The following MPPED2 variants were observed in gnomAD, a reference collection of about 807,000 sequenced individuals.
The protein encoded by MPPED2 is metallophosphoesterase domain containing 2.
MPPED2 carries 5 observed loss-of-function variants against 33.0 expected under a neutral mutation model. The observed-to-expected ratio is 0.15, with a 90% CI of 0.08 to 0.32. MPPED2 has a LOEUF of 0.32. Among genes scored for constraint, MPPED2 ranks in the 10% least tolerant of loss-of-function variants. The pLI is 1.00. For missense variants in MPPED2, 275 were observed against 372.1 expected (o/e 0.74, Z 2.15); for synonymous variants, 136 against 141.9 (o/e 0.96, Z 0.29).
At chr11:30,403,194 C>T (rs2133711783) in intron 6 of MPPED2, among the ~76,000 whole-genome samples, 1 of 151,632 alleles carries the variant, frequency 6.6e-6, no homozygotes, top group South Asian at 2.1e-4. Context: ...TTGCCGTGAG[C>T]CGAGATCGCG....
chr11:30,553,626 T>G (rs1457171217), intron 2 of MPPED2, among the ~76,000 whole-genome samples: 1 of 152,174 alleles, frequency 6.6e-6, no homozygotes, highest in Admixed American at 6.5e-5. Flanking sequence ...TAAAATAAGA[T>G]TGAGAAACAG....
intron 4 of MPPED2, among the ~76,000 whole-genome samples, chr11:30,477,033 A>G (rs1051294529): frequency 3.3e-5 from 5 of 152,120 alleles, no homozygotes; most frequent in Non-Finnish European, 7.4e-5. Flanking sequence ...TGCTGCAATT[A>G]TGAAAACATA....
At chr11:30,551,311 G>C (rs754624080) in intron 2 of MPPED2, among the ~76,000 whole-genome samples, 8 of 152,156 alleles carry the variant, frequency 5.3e-5, no homozygotes, top group Non-Finnish European at 1.0e-4. Flanking sequence ...TTTTACAGAT[G>C]AGAAATACTG....
chr11:30,506,267 G>A (rs1204131853), intron 3 of MPPED2, among the ~76,000 whole-genome samples: 3 of 151,998 alleles, frequency 2.0e-5, no homozygotes, highest in Non-Finnish European at 1.5e-5. Context: ...TCAAACTCCT[G>A]ACCTCAGCTG....
At chr11:30,481,283 T>C (rs1184611602) in intron 4 of MPPED2, among the ~76,000 whole-genome samples, 1 of 152,142 alleles carries the variant, frequency 6.6e-6, no homozygotes, top group African/African-American at 2.4e-5. Flanking sequence ...ATAAGTTATA[T>C]TTTCCATAAA....
At chr11:30,419,089 A>G (rs2133778641) in intron 4 of MPPED2, among the ~76,000 whole-genome samples, 1 of 152,302 alleles carries the variant, frequency 6.6e-6, no homozygotes, top group African/African-American at 2.4e-5. Flanking sequence ...TTATAATAGA[A>G]ATAAGAATAT....
intron 4 of MPPED2, among the ~76,000 whole-genome samples, chr11:30,486,635 G>C: frequency 6.6e-6 from 1 of 152,154 alleles, no homozygotes; most frequent in Non-Finnish European, 1.5e-5. Flanking sequence ...TAAAATTGCT[G>C]GTGGAGGCTT....
chr11:30,582,657 C>A (rs1357025923), intron 1 of MPPED2, among the ~76,000 whole-genome samples: 2 of 152,132 alleles, frequency 1.3e-5, no homozygotes, highest in Non-Finnish European at 2.9e-5. Context: ...TAGCATGATA[C>A]CCACCCAAGT....
At chr11:30,535,343 G>A (rs12290680) in intron 3 of MPPED2, among the ~76,000 whole-genome samples, 2,789 of 152,214 alleles carry the variant, frequency 0.018, 82 homozygotes, top group African/African-American at 0.064. Context: ...TCCGCTAAGA[G>A]GAACCAGGAT....
intron 1 of MPPED2, among the ~76,000 whole-genome samples, chr11:30,583,187 G>A (rs1288377393): frequency 8.7e-6 from 1 of 115,498 alleles, no homozygotes; most frequent in Non-Finnish European, 1.7e-5. Context: ...AGAGACAAGG[G>A]ACAATAGACA....
At chr11:30,495,758 A>G (rs1952221834) in intron 3 of MPPED2, among the ~76,000 whole-genome samples, 1 of 152,222 alleles carries the variant, frequency 6.6e-6, no homozygotes, top group African/African-American at 2.4e-5. Context: ...TAAGTTTTCT[A>G]GTTCCATTTC....
intron 4 of MPPED2, among the ~76,000 whole-genome samples, chr11:30,472,989 T>A (rs1227638206): frequency 6.6e-6 from 1 of 152,226 alleles, no homozygotes; most frequent in Non-Finnish European, 1.5e-5. Context: ...TCTATGAAAT[T>A]TTTATTTCAG....
chr11:30,438,748 G>A (rs143334592), intron 4 of MPPED2, among the ~76,000 whole-genome samples: 17 of 152,306 alleles, frequency 1.1e-4, no homozygotes, highest in Non-Finnish European at 2.5e-4. Context: ...GATAATAAGG[G>A]CAGCCCTAAA....
intron 6 of MPPED2, among the ~76,000 whole-genome samples, chr11:30,404,237 G>C (rs1287990831): frequency 6.6e-6 from 1 of 152,210 alleles, no homozygotes; most frequent in Non-Finnish European, 1.5e-5. Context: ...TTTCTCCAGA[G>C]AGCTATTTTG....
rs141612436 is a variant in MPPED2, at chr11:30,544,103, T to G, written c.129-7928A>C. Among the ~76,000 whole-genome samples the G allele has an allele frequency of 8.5e-5, 13 of 152,320 alleles. No homozygotes were observed. In the East Asian group the frequency reaches 2.5e-3, roughly 29 times the overall value. On this transcript the variant is annotated intron_variant, in intron 2 of 6. Transcript: ENST00000358117. ...GTTAAGTGGTAACAATTTAATTCTT[T>G]GAGCACTGCATGCAATATGAATTCA...
chr11:30,583,283 A>G (rs1217414364), intron 1 of MPPED2, among the ~76,000 whole-genome samples: 3 of 151,972 alleles, frequency 2.0e-5, no homozygotes, highest in South Asian at 2.1e-4. Flanking sequence ...AAGAAGATGT[A>G]TATTTAGGCA....
exon 7 of MPPED2, chr11:30,388,324 G>A (rs1192883533): frequency 6.6e-6 from 1 of 152,406 alleles, no homozygotes; most frequent in Non-Finnish European, 1.5e-5. Context: ...CACAATTCAG[G>A]GGCAGGTGCA....
intron 6 of MPPED2, among the ~76,000 whole-genome samples, chr11:30,413,571 C>A (rs1948208039): frequency 6.6e-6 from 1 of 152,206 alleles, no homozygotes; most frequent in Admixed American, 6.5e-5. Flanking sequence ...AAAATGGCAA[C>A]TGGACCAGTT....
intron 3 of MPPED2, among the ~76,000 whole-genome samples, chr11:30,512,111 A>G (rs976945004): frequency 2.0e-5 from 3 of 152,130 alleles, no homozygotes; most frequent in African/African-American, 7.2e-5. Context: ...GAGACACCAA[A>G]TAGGCAGTAG....
Sources: gnomAD v4.1 joint callset for allele counts (sites outside exome capture counted in the v4.1 genomes callset) on GRCh38, gnomAD v4.1.1 for gene constraint, MANE v1.5 for transcripts, NCBI Gene and HGNC (gene_info 2026-07-23, HGNC 2026-07-21) for gene names.